The following DNAAF11 variants were observed in gnomAD, a reference collection of about 807,000 sequenced individuals.
DNAAF11 encodes the protein leucine rich repeat containing 6.
Under a neutral mutation model 60.8 loss-of-function variants are expected in DNAAF11, and 45 were observed. The observed-to-expected ratio is 0.74, with a 90% CI of 0.58 to 0.95. The LOEUF is 0.95. Among genes scored for constraint, DNAAF11 ranks in the 40% least tolerant of loss-of-function variants. The probability of loss-of-function intolerance (pLI) is 0.00; values close to 1 mark genes in which losing one functional copy is unlikely to be tolerated. For missense variants in DNAAF11, 546 were observed against 546.2 expected (o/e 1.00, Z 0.00); for synonymous variants, 191 against 183.5 (o/e 1.04, Z -0.33).
Position 132,632,812 on chromosome 8 carries a change from T to G in DNAAF11, c.581A>C (p.Glu194Ala). Residue 194 changes from glutamate (E) to alanine (A), a missense_variant, in exon 5 of 12, where the codon GAG (glutamate) becomes GCG (alanine). Coordinates refer to ENST00000620350, the MANE Select transcript of DNAAF11 (RefSeq NM_012472.6). ...ACTTCTCTTGTCTTCATTTTTATCC[T>G]CTTCTTGGTGTTTCCTCTGAGCCTC... is the stretch of plus-strand genomic sequence containing the variant. The part of the protein sequence containing the change: ...KEEAQRKHQE[E>A]DKNEDKRSNA... 1 of 1,614,028 alleles carries G rather than the reference T, an allele frequency of 6.2e-7. No individual in the cohort carries two copies. The highest frequency in any genetic ancestry group is 1.1e-5 in the South Asian group (1 of 91,076).
intron 10 of DNAAF11, among the ~76,000 whole-genome samples, chr8:132,586,309 T>C (rs1030812988): frequency 1.3e-5 from 2 of 152,222 alleles, no homozygotes; most frequent in Admixed American, 1.3e-4. Context: ...AAATGCTCTG[T>C]GCTATCCAAC....
intron 10 of DNAAF11, among the ~76,000 whole-genome samples, chr8:132,596,366 C>G (rs953154712): frequency 1.3e-5 from 2 of 152,096 alleles, no homozygotes; most frequent in African/African-American, 4.8e-5. Flanking sequence ...CAACTGATTC[C>G]TTCAAAATTA....
intron 3 of DNAAF11, among the ~76,000 whole-genome samples, chr8:132,641,089 CA>C (rs1821805507): frequency 6.6e-6 from 1 of 151,940 alleles, no homozygotes; most frequent in Non-Finnish European, 1.5e-5. Context: ...AGTAGAATGT[CA>C]TCTAATAAAT....
intron 4 of DNAAF11, among the ~76,000 whole-genome samples, chr8:132,635,608 T>A (rs1042425954): frequency 1.3e-5 from 2 of 152,108 alleles, no homozygotes; most frequent in Admixed American, 1.3e-4. Context: ...CTCTGTTGTT[T>A]TGGGTTGAAT....
Position 132,578,446 on chromosome 8 carries a change from C to T in DNAAF11, c.1226+5248G>A, listed in dbSNP as rs564088380. Reference sequence around the variant, plus strand: ...GCCTTAATGTCAGAGGCCTCTAGGACGGACGCCCATCACTGGTCTTACCCA... The same window carrying T: ...GCCTTAATGTCAGAGGCCTCTAGGATGGACGCCCATCACTGGTCTTACCCA... On this transcript the variant is annotated intron_variant, in intron 11 of 11. Coordinates refer to ENST00000620350, the MANE Select transcript of DNAAF11 (RefSeq NM_012472.6). 1.4e-4 allele frequency: 219 copies of T among 1,523,116 alleles called. 1 individual carries two copies. The African/African-American group carries it at 2.4e-3, about 17-fold the overall frequency. The allele number at this position is 1,523,116 out of a possible 1,614,324, so 94.4% of individuals were successfully genotyped here. A position where few individuals can be genotyped will look rare whatever the true frequency, so the allele number is the denominator to read the frequency against.
chr8:132,687,724 T>C, the DNAAF11 span: 1 of 455,372 alleles, frequency 2.2e-6, no homozygotes, highest in Admixed American at 2.4e-5. Context: ...GCTCAGGGCC[T>C]GAACTCAAAT....
At position 132,675,478 on chromosome 8, in the gene DNAAF11, G is replaced by T. The variant is rs774104305; in HGVS notation, c.10+6C>A. 6 of 1,566,522 alleles carry T rather than the reference G, an allele frequency of 3.8e-6. No individual in the cohort carries two copies. Among genetic ancestry groups the T allele is most frequent in the Non-Finnish European group, 4.3e-6 (5 of 1,153,482 alleles). ...GATCGAGGACGGAAGGTGGAGGGGG[G>T]CTTACTCCAGCCCATGGCGCCTCTC... On this transcript the variant is annotated splice_donor_region_variant and intron_variant, in intron 1 of 11. Coordinates refer to ENST00000620350, the MANE Select transcript of DNAAF11 (RefSeq NM_012472.6).
At position 132,611,317 on chromosome 8, in the gene DNAAF11, C is replaced by A. The variant is rs746914801; in HGVS notation, c.1021G>T (p.Val341Leu). The A allele has an allele frequency of 1.2e-5, 20 of 1,612,054 alleles. No individual in the cohort carries two copies. Among genetic ancestry groups the A allele is most frequent in the South Asian group, 6.6e-5 (6 of 90,986 alleles). The change falls in exon 9 of 12, where the codon GTG becomes TTG. Residue 341 changes from valine to leucine, a missense_variant. Coordinates refer to ENST00000620350, the MANE Select transcript of DNAAF11 (RefSeq NM_012472.6). Reference protein sequence around the residue: ...LIDVDVQPTYVRVMIKGKPFQ... With the variant: ...LIDVDVQPTYLRVMIKGKPFQ... Reference sequence around the variant, plus strand: ...ACCTTTCCTTTGATCATTACTCGCACGTAAGTTGGTTGCACATCAACATCG... The same window carrying A: ...ACCTTTCCTTTGATCATTACTCGCAAGTAAGTTGGTTGCACATCAACATCG...
the DNAAF11 span, among the ~76,000 whole-genome samples, chr8:132,680,963 T>G: frequency 7.1e-6 from 1 of 141,098 alleles, no homozygotes; most frequent in Non-Finnish European, 1.5e-5. Flanking sequence ...TTAAAAGTAA[T>G]GGCAAAAACC....
At chr8:132,676,965 A>G (rs1825782357), upstream of DNAAF11, among the ~76,000 whole-genome samples, 1 of 152,250 alleles carries the variant, frequency 6.6e-6, no homozygotes, top group Admixed American at 6.5e-5. Flanking sequence ...TGAGGTGAAC[A>G]GTATTAGCTC....
the DNAAF11 span, among the ~76,000 whole-genome samples, chr8:132,686,554 T>C: frequency 2.0e-5 from 3 of 152,092 alleles, no homozygotes; most frequent in Non-Finnish European, 2.9e-5. Context: ...GATTATGCTA[T>C]GGTGGTGGGT....
At chr8:132,575,500 C>T (rs947087827) in intron 11 of DNAAF11, among the ~76,000 whole-genome samples, 1 of 152,084 alleles carries the variant, frequency 6.6e-6, no homozygotes, top group African/African-American at 2.4e-5. Flanking sequence ...ATGGTGTATG[C>T]CCACAATCAA....
chr8:132,602,393 T>C (rs1294656468), intron 10 of DNAAF11, among the ~76,000 whole-genome samples: 1 of 152,122 alleles, frequency 6.6e-6, no homozygotes, highest in Admixed American at 6.6e-5. Context: ...CTGAGGTATG[T>C]GTTTAGCACT....
chr8:132,606,877 T>A (rs1818193776), intron 10 of DNAAF11, among the ~76,000 whole-genome samples: 1 of 152,242 alleles, frequency 6.6e-6, no homozygotes, highest in Admixed American at 6.5e-5. Context: ...TATAGCTGTA[T>A]AATGTATTTG....
At chr8:132,687,586 C>T in the DNAAF11 span, 3 of 455,966 alleles carry the variant, frequency 6.6e-6, no homozygotes, top group Non-Finnish European at 1.3e-5. Context: ...GAGTTCTCAC[C>T]AGGTGCTGCA....
intron 10 of DNAAF11, among the ~76,000 whole-genome samples, chr8:132,584,586 C>T (rs1439052648): frequency 6.6e-5 from 10 of 152,166 alleles, no homozygotes; most frequent in Non-Finnish European, 1.2e-4. Flanking sequence ...TCTCATGTTG[C>T]CTGGGTCTGC....
At chr8:132,639,585 A>G (rs1294734694) in intron 3 of DNAAF11, among the ~76,000 whole-genome samples, 1 of 152,104 alleles carries the variant, frequency 6.6e-6, no homozygotes, top group Non-Finnish European at 1.5e-5. Flanking sequence ...TCAATTCTGA[A>G]GGCTATATAA....
the DNAAF11 span, among the ~76,000 whole-genome samples, chr8:132,686,757 A>G: frequency 2.0e-5 from 3 of 152,214 alleles, no homozygotes; most frequent in African/African-American, 4.8e-5. Context: ...GAAGCCTCCT[A>G]CTTTCTTGCT....
chr8:132,577,876 C>G (rs1814917974), intron 11 of DNAAF11, among the ~76,000 whole-genome samples: 1 of 151,824 alleles, frequency 6.6e-6, no homozygotes, highest in Admixed American at 6.6e-5. Flanking sequence ...CAAAAGATGG[C>G]CAGGCTGCTT....
Sources: gnomAD v4.1 joint callset for allele counts (sites outside exome capture counted in the v4.1 genomes callset) on GRCh38, gnomAD v4.1.1 for gene constraint, MANE v1.5 for transcripts, NCBI Gene and HGNC (gene_info 2026-07-23, HGNC 2026-07-21) for gene names.